CHD9: variants seen among roughly 807,000 people sequenced by gnomAD.
CHD9 encodes chromodomain helicase DNA binding protein 9.
A neutral mutation model predicts 316.1 loss-of-function variants in CHD9; 77 were observed. The observed-to-expected ratio is 0.24, with a 90% confidence interval of 0.20 to 0.29. CHD9 has a LOEUF of 0.29. Among genes scored for constraint, CHD9 ranks in the 10% least tolerant of loss-of-function variants. The probability of loss-of-function intolerance (pLI) is 1.00; values close to 1 mark genes in which losing one functional copy is unlikely to be tolerated. For missense variants in CHD9, 2,763 were observed against 3,438.1 expected (o/e 0.80, Z 4.91); for synonymous variants, 1,129 against 1,158.3 (o/e 0.97, Z 0.51).
chr16:53,132,676 C>A (rs1198410952), intron 1 of CHD9, among the ~76,000 whole-genome samples: 3 of 152,068 alleles, frequency 2.0e-5, no homozygotes, highest in Non-Finnish European at 4.4e-5. Context: ...TAACAACAGG[C>A]CACATGGAGC....
intron 1 of CHD9, among the ~76,000 whole-genome samples, chr16:53,103,860 CAT>C (rs1355567176): frequency 6.6e-6 from 1 of 152,182 alleles, no homozygotes; most frequent in Non-Finnish European, 1.5e-5. Context: ...TTTATGATTG[CAT>C]TTCATAGAGG....
chr16:53,087,205 G>A (rs917552255), intron 1 of CHD9, among the ~76,000 whole-genome samples: 1 of 152,066 alleles, frequency 6.6e-6, no homozygotes, highest in South Asian at 2.1e-4. Context: ...AGCCATTAAG[G>A]GCCCTCCAAA....
intron 34 of CHD9, among the ~76,000 whole-genome samples, chr16:53,309,777 T>G (rs1341691026): frequency 6.6e-6 from 1 of 152,142 alleles, no homozygotes; most frequent in Non-Finnish European, 1.5e-5. Flanking sequence ...TGTTTTTGTT[T>G]TATCTTAGTA....
At chr16:53,132,568 G>A (rs1186361745) in intron 1 of CHD9, among the ~76,000 whole-genome samples, 2 of 152,170 alleles carry the variant, frequency 1.3e-5, no homozygotes, top group African/African-American at 4.8e-5. Flanking sequence ...GCATTGCAGA[G>A]GGAGGAGTTT....
At chr16:53,170,157 T>C (rs968907348) in intron 2 of CHD9, among the ~76,000 whole-genome samples, 3 of 152,006 alleles carry the variant, frequency 2.0e-5, no homozygotes, top group Non-Finnish European at 4.4e-5. Flanking sequence ...GATGCTTGAT[T>C]TTCTCAGTAT....
intron 30 of CHD9, among the ~76,000 whole-genome samples, chr16:53,302,003 T>A (rs1386882268): frequency 6.6e-6 from 1 of 151,988 alleles, no homozygotes; most frequent in Admixed American, 6.5e-5. Context: ...GACCTCATGA[T>A]CCACCCGCCT....
chr16:53,302,474 T>C lies in CHD9; in HGVS notation c.5714-1246T>C, dbSNP rs12599927. Among the ~76,000 whole-genome samples the C allele has an allele frequency of 2.0e-5, 3 of 152,346 alleles. No homozygotes were observed. The East Asian group carries it at 5.8e-4, about 29-fold the overall frequency. On this transcript the variant is annotated intron_variant, in intron 30 of 38. Transcript: ENST00000447540. ...TGTCAGTATGTCTTATTACTGATGA[T>C]GTTGACTTTAATTGTGTGGTTAAGG...
intron 19 of CHD9, among the ~76,000 whole-genome samples, chr16:53,256,353 A>G (rs1384305997): frequency 6.7e-6 from 1 of 149,434 alleles, no homozygotes; most frequent in Non-Finnish European, 1.5e-5. Context: ...AAAGTTTACT[A>G]ATTGCCTTTA....
At chr16:53,093,734 C>G (rs2036147470) in intron 1 of CHD9, among the ~76,000 whole-genome samples, 1 of 152,192 alleles carries the variant, frequency 6.6e-6, no homozygotes, top group African/African-American at 2.4e-5. Context: ...GAGAATTAAG[C>G]TAACAGAGAT....
At chr16:53,233,607 TTCCTCCCC>T (rs1194540828) in intron 10 of CHD9, among the ~76,000 whole-genome samples, 3 of 152,144 alleles carry the variant, frequency 2.0e-5, no homozygotes, top group Non-Finnish European at 2.9e-5. Flanking sequence ...CCTTCCTTCC[TTCCTCCCC>T]TCCTCCCCTC....
intron 1 of CHD9, among the ~76,000 whole-genome samples, chr16:53,153,775 A>C (rs149858849): frequency 3.6e-4 from 55 of 152,200 alleles, no homozygotes; most frequent in East Asian, 2.3e-3. Flanking sequence ...GGGCTTAATA[A>C]GCATTCCTCC....
chr16:53,145,129 C>T (rs1269874926), intron 1 of CHD9, among the ~76,000 whole-genome samples: 2 of 151,478 alleles, frequency 1.3e-5, no homozygotes, highest in African/African-American at 2.4e-5. Context: ...AGCCTGGGCA[C>T]AGTGGCTTAC....
chr16:53,222,274 C>A (rs2047310581), intron 3 of CHD9, among the ~76,000 whole-genome samples: 2 of 152,030 alleles, frequency 1.3e-5, no homozygotes, highest in Admixed American at 6.6e-5. Flanking sequence ...ATGGGTTTCA[C>A]CATGTTAGCC....
chr16:53,136,862 T>C (rs1462801604), intron 1 of CHD9, among the ~76,000 whole-genome samples: 1 of 152,210 alleles, frequency 6.6e-6, no homozygotes, highest in Non-Finnish European at 1.5e-5. Context: ...AGGGTGACCA[T>C]TATCTTGATG....
rs774935383 is a variant in CHD9 at position 53,129,956 on chromosome 16, T to A, written c.-164-25970T>A. 1.6e-4 allele frequency among the ~76,000 whole-genome samples: 24 copies of A among 152,144 alleles called. 1 individual carries two copies. The highest frequency in any genetic ancestry group is 2.0e-4 in the Admixed American group (3 of 15,276). ...GGTCACTCAGTTAATTCGTGAAGGA[T>A]CGAGAGGGAACCCAGGTTTTCCAGT... On this transcript the variant is annotated intron_variant, in intron 1 of 38. Transcript: ENST00000447540.
chr16:53,219,020 AGGC>A (rs2047004218), intron 3 of CHD9, among the ~76,000 whole-genome samples: 1 of 152,120 alleles, frequency 6.6e-6, no homozygotes. Flanking sequence ...TACCCTTAGG[AGGC>A]GGTTCGTACT....
intron 10 of CHD9, among the ~76,000 whole-genome samples, chr16:53,234,471 A>G (rs2048443601): frequency 1.3e-5 from 2 of 152,176 alleles, no homozygotes; most frequent in Admixed American, 6.5e-5. Context: ...GCTTTTTCAT[A>G]GTTGTACTAT....
At chr16:53,064,253 G>A (rs1442681770) in intron 1 of CHD9, among the ~76,000 whole-genome samples, 2 of 152,178 alleles carry the variant, frequency 1.3e-5, no homozygotes, top group Non-Finnish European at 2.9e-5. Context: ...CTGTGCTCTA[G>A]ATTAAACATT....
At chr16:53,295,632 A>G (rs1394209857) in intron 29 of CHD9, among the ~76,000 whole-genome samples, 1 of 152,026 alleles carries the variant, frequency 6.6e-6, no homozygotes, top group African/African-American at 2.4e-5. Flanking sequence ...TAGTCTTTCA[A>G]TTAATCGTTT....
Sources: gnomAD v4.1 joint callset for allele counts (sites outside exome capture counted in the v4.1 genomes callset) on GRCh38, gnomAD v4.1.1 for gene constraint, MANE v1.5 for transcripts, NCBI Gene and HGNC (gene_info 2026-07-23, HGNC 2026-07-21) for gene names.